Variants in AKAP13 observed in about 807,000 individuals in gnomAD.
AKAP13 encodes the protein A-kinase anchor protein 13.
In AKAP13, 80 loss-of-function variants were observed where a neutral mutation model predicts 264.5. The ratio of observed to expected loss-of-function variants is 0.30; its 90% CI spans 0.25 to 0.36. The LOEUF is 0.36. Among genes scored for constraint, AKAP13 ranks in the 10% least tolerant of loss-of-function variants. AKAP13 has a pLI of 1.00. For missense variants in AKAP13, 3,712 were observed against 3,435.2 expected (o/e 1.08, Z -2.01); for synonymous variants, 1,380 against 1,250.2 (o/e 1.10, Z -2.19).
chr15:85,537,696 T>A (rs2151199483), intron 4 of AKAP13, among the ~76,000 whole-genome samples: 1 of 152,356 alleles, frequency 6.6e-6, no homozygotes, highest in South Asian at 2.1e-4. Context: ...TTTGTTTGCA[T>A]CCTGGCTTCA....
chr15:85,594,375 C>G (rs1289701428), intron 8 of AKAP13, among the ~76,000 whole-genome samples: 1 of 152,198 alleles, frequency 6.6e-6, no homozygotes, highest in Non-Finnish European at 1.5e-5. Context: ...GACATATTCT[C>G]AAGTGTTAAA....
rs142726559 is a variant in AKAP13 at position 85,579,747 on chromosome 15, C to T, written c.1679C>T (p.Thr560Ile). Reference sequence around the variant, plus strand: ...TCACTTGCATTTAGTAATGAAGAAACCTCCACTGAAAAAACAGCAGAAACG... The same window carrying T: ...TCACTTGCATTTAGTAATGAAGAAATCTCCACTGAAAAAACAGCAGAAACG... ...ESSLAFSNEETSTEKTAETET... is the reference protein window; with the variant it reads ...ESSLAFSNEEISTEKTAETET... Residue 560 changes from threonine to isoleucine, a missense_variant, in exon 7 of 37, where the codon ACC (threonine) becomes ATC (isoleucine). Physicochemically the swap from Thr to Ile is moderately conservative, Grantham distance 89. Transcript: ENST00000394518. 5.1e-5 allele frequency: 82 copies of T among 1,614,162 alleles called. No homozygotes were observed. In the African/African-American group the frequency reaches 9.6e-4, roughly 19 times the overall value.
intron 2 of AKAP13, among the ~76,000 whole-genome samples, chr15:85,516,231 G>C (rs1186978135): frequency 6.6e-6 from 1 of 152,168 alleles, no homozygotes; most frequent in Non-Finnish European, 1.5e-5. Flanking sequence ...CCAGGCACTT[G>C]ATATAGGTGC....
intron 17 of AKAP13, among the ~76,000 whole-genome samples, chr15:85,697,436 G>A (rs1336062779): frequency 6.6e-6 from 1 of 152,180 alleles, no homozygotes; most frequent in Non-Finnish European, 1.5e-5. Context: ...AGGCTTGGTG[G>A]CGTGCGCCTG....
rs552183338 is a variant in AKAP13, at chr15:85,580,508, G to A, written c.2440G>A (p.Ala814Thr). Residue 814 changes from alanine to threonine, a missense_variant, in exon 7 of 37, where the codon GCA becomes ACA. By Grantham distance (58) the Ala-to-Thr change is moderately conservative. Around this residue, in one of 3 missense-constraint regions of AKAP13, gnomAD observed 2,759 missense variants for 2,411.7 expected, o/e 1.14. Transcript: ENST00000394518. ...CCCCTCCCAGAAAGAAAAGGGAACA[G>A]CAACTCCTGAACTACATACAGCTAC... ...FVPSQKEKGT[A>T]TPELHTATDY... The A allele has an allele frequency of 2.5e-6, 4 of 1,614,244 alleles. No homozygotes were observed. In the East Asian group the frequency reaches 8.9e-5, roughly 36 times the overall value.
At chr15:85,697,034 A>G (rs1327892620) in intron 17 of AKAP13, among the ~76,000 whole-genome samples, 1 of 152,164 alleles carries the variant, frequency 6.6e-6, no homozygotes, top group Non-Finnish European at 1.5e-5. Context: ...AGGCTAAGAA[A>G]CTTTCACAAG....
chr15:85,578,259 G>T (rs1417197078), intron 6 of AKAP13, among the ~76,000 whole-genome samples: 2 of 152,236 alleles, frequency 1.3e-5, no homozygotes, highest in Non-Finnish European at 2.9e-5. Context: ...CTTCAGCCTG[G>T]CCTCAGAATG....
Position 85,575,309 on chromosome 15 carries a change from A to G in AKAP13, c.841A>G (p.Asn281Asp). The change falls in exon 6 of 37, where the codon AAC (asparagine) becomes GAC (aspartate). Residue 281 changes from asparagine (N) to aspartate (D), a missense_variant. Coordinates refer to ENST00000394518, the MANE Select transcript of AKAP13 (RefSeq NM_007200.5). ...GCTGPIFKLM[N>D]IQQQLMKTNL... ...CACTGGACCAATTTTTAAACTTATG[A>G]ACATCCAACAGCAACTAATGGTAAG... The G allele has an allele frequency of 1.9e-6, 3 of 1,614,162 alleles. No individual in the cohort carries two copies. Among genetic ancestry groups the G allele is most frequent in the Non-Finnish European group, 1.7e-6 (2 of 1,180,020 alleles).
intron 1 of AKAP13, among the ~76,000 whole-genome samples, chr15:85,480,621 TG>T (rs1031910020): frequency 7.9e-6 from 1 of 126,604 alleles, no homozygotes; most frequent in Non-Finnish European, 1.7e-5. Context: ...GTGGTGGGGG[TG>T]GGGGGGTTAA....
chr15:85,729,071 C>T (rs1478016542), intron 29 of AKAP13, among the ~76,000 whole-genome samples: 2 of 151,978 alleles, frequency 1.3e-5, no homozygotes, highest in Non-Finnish European at 2.9e-5. Flanking sequence ...GAGGCCACGG[C>T]GGGCGGATCA....
chr15:85,457,437 C>T (rs2074321301), intron 1 of AKAP13, among the ~76,000 whole-genome samples: 1 of 152,130 alleles, frequency 6.6e-6, no homozygotes, highest in Non-Finnish European at 1.5e-5. Context: ...GAGACACTTC[C>T]TACCTTTCTT....
chr15:85,585,900 C>G, intron 8 of AKAP13, 77 bp downstream of exon 8: 2 of 1,566,722 alleles, frequency 1.3e-6, no homozygotes, highest in Non-Finnish European at 1.7e-6. Flanking sequence ...ATGGCTTTGT[C>G]TTTTATTTGA....
chr15:85,448,261 G>T (rs953499481), intron 1 of AKAP13, among the ~76,000 whole-genome samples: 1 of 152,078 alleles, frequency 6.6e-6, no homozygotes, highest in South Asian at 2.1e-4. Context: ...GTAGATGCTG[G>T]ATATTAGACC....
intron 2 of AKAP13, among the ~76,000 whole-genome samples, chr15:85,511,501 C>T (rs2076419300): frequency 6.6e-6 from 1 of 152,206 alleles, no homozygotes; most frequent in South Asian, 2.1e-4. Flanking sequence ...TTCAAAGCCC[C>T]ATCATCTTAT....
At chr15:85,690,581 T>C (rs2085225266) in intron 16 of AKAP13, among the ~76,000 whole-genome samples, 1 of 152,238 alleles carries the variant, frequency 6.6e-6, no homozygotes, top group Non-Finnish European at 1.5e-5. Context: ...ATTTGGCTCT[T>C]AGATGTTCAT....
chr15:85,620,604 C>G (rs2081140183), intron 8 of AKAP13, among the ~76,000 whole-genome samples: 1 of 151,956 alleles, frequency 6.6e-6, no homozygotes, highest in African/African-American at 2.4e-5. Flanking sequence ...TTGTCTGAGT[C>G]TTTTCTGTTT....
At chr15:85,384,644 G>A (rs1015947813) in intron 1 of AKAP13, among the ~76,000 whole-genome samples, 1 of 151,770 alleles carries the variant, frequency 6.6e-6, no homozygotes, top group African/African-American at 2.4e-5. Context: ...TTGAACCCGG[G>A]AGGTGGAGGT....
chr15:85,527,411 A>T (rs926035948), intron 3 of AKAP13, among the ~76,000 whole-genome samples: 1 of 152,216 alleles, frequency 6.6e-6, no homozygotes, highest in African/African-American at 2.4e-5. Context: ...ACTTACAGTG[A>T]TATATAAAAC....
intron 1 of AKAP13, among the ~76,000 whole-genome samples, chr15:85,387,675 G>A (rs1385248245): frequency 2.0e-5 from 3 of 149,510 alleles, no homozygotes; most frequent in Non-Finnish European, 4.5e-5. Flanking sequence ...CAGTTAGGGG[G>A]CAATTGACAT....
Sources: gnomAD v4.1 joint callset for allele counts (sites outside exome capture counted in the v4.1 genomes callset) on GRCh38, gnomAD v4.1.1 for gene constraint, gnomAD v4.1.1 regional missense constraint, MANE v1.5 for transcripts, NCBI Gene and HGNC (gene_info 2026-07-23, HGNC 2026-07-21) for gene names.